Variants in NARS2 observed in about 807,000 individuals in gnomAD.
NARS2 encodes the protein asparaginyl-tRNA synthetase 2, mitochondrial, also known as asparaginyl-tRNA synthetase.
Under a neutral mutation model 62.9 loss-of-function variants are expected in NARS2, and 60 were observed. That is an observed-to-expected ratio of 0.95 (90% CI 0.77 to 1.18). The LOEUF (loss-of-function observed/expected upper bound fraction) is 1.18. Ranked by LOEUF, NARS2 falls within the 50% of genes most tolerant of loss-of-function variation. NARS2 has a pLI of 0.00. For synonymous variants in NARS2, 196 were observed against 200.0 expected (o/e 0.98, Z 0.17); for missense variants, 619 against 576.4 (o/e 1.07, Z -0.76).
At chr11:78,494,601 A>G (rs1859979262) in intron 6 of NARS2, among the ~76,000 whole-genome samples, 1 of 151,534 alleles carries the variant, frequency 6.6e-6, no homozygotes, top group African/African-American at 2.4e-5. Context: ...TTAGGAAGTT[A>G]TATTTTGGTT....
chr11:78,479,112 T>G (rs779274943), intron 7 of NARS2, among the ~76,000 whole-genome samples: 12 of 152,140 alleles, frequency 7.9e-5, no homozygotes, highest in Non-Finnish European at 1.2e-4. Flanking sequence ...CAAACATCAG[T>G]TGTTGTGAAC....
intron 6 of NARS2, among the ~76,000 whole-genome samples, chr11:78,525,869 G>A (rs1299178405): frequency 6.6e-6 from 1 of 152,088 alleles, no homozygotes; most frequent in Non-Finnish European, 1.5e-5. Flanking sequence ...ACAAGCCTTC[G>A]CCTCTGTGGT....
At chr11:78,560,570 T>C (rs1017997180) in intron 4 of NARS2, among the ~76,000 whole-genome samples, 21 of 152,234 alleles carry the variant, frequency 1.4e-4, no homozygotes, top group African/African-American at 4.8e-4. Flanking sequence ...AATTCTTAAA[T>C]ACATATCTCT....
At chr11:78,514,102 C>G (rs886101964) in intron 6 of NARS2, among the ~76,000 whole-genome samples, 10 of 152,134 alleles carry the variant, frequency 6.6e-5, no homozygotes, top group Non-Finnish European at 1.0e-4. Context: ...AACCTATTTT[C>G]CTACCAATTA....
At chr11:78,438,612 G>GA (rs1312306305) in intron 13 of NARS2, among the ~76,000 whole-genome samples, 1 of 152,148 alleles carries the variant, frequency 6.6e-6, no homozygotes, top group Non-Finnish European at 1.5e-5. Context: ...TTTGATAGAT[G>GA]AAAAAATCCA....
intron 6 of NARS2, among the ~76,000 whole-genome samples, chr11:78,495,939 A>T (rs567106707): frequency 6.6e-6 from 1 of 152,172 alleles, no homozygotes; most frequent in Non-Finnish European, 1.5e-5. Context: ...AGCAATAGGG[A>T]TTTTTAAATT....
At chr11:78,442,074 G>T (rs1409900108) in intron 12 of NARS2, among the ~76,000 whole-genome samples, 1 of 152,140 alleles carries the variant, frequency 6.6e-6, no homozygotes, top group Non-Finnish European at 1.5e-5. Flanking sequence ...ACTTCATTAC[G>T]AAAGACAGAT....
chr11:78,468,553 C>T (rs1232935899), intron 10 of NARS2, among the ~76,000 whole-genome samples: 6 of 150,794 alleles, frequency 4.0e-5, no homozygotes, highest in South Asian at 4.2e-4. Context: ...TACAGGCGCC[C>T]GCCACCTCAC....
intron 6 of NARS2, among the ~76,000 whole-genome samples, chr11:78,513,187 T>C (rs761534470): frequency 6.6e-6 from 1 of 152,006 alleles, no homozygotes; most frequent in East Asian, 1.9e-4. Context: ...GAGGCAGAAG[T>C]TGCAGTGAGC....
chr11:78,490,980 CTG>C (rs1157506413), intron 7 of NARS2, among the ~76,000 whole-genome samples: 2 of 152,036 alleles, frequency 1.3e-5, no homozygotes, highest in African/African-American at 2.4e-5. Flanking sequence ...ACTAATATAA[CTG>C]AGAAAAATAA....
At position 78,553,826 on chromosome 11, in the gene NARS2, G is replaced by C. The variant is rs1856223985; in HGVS notation, c.594+5713C>G. ...GATGTCTGTCATGAAATCTCTGCCA[G>C]GATGGTATTGCCTAGGTTGTCTTCC... On this transcript the variant is annotated intron_variant, in intron 5 of 13. Coordinates refer to ENST00000281038, the MANE Select transcript of NARS2 (RefSeq NM_024678.6). 2.6e-5 allele frequency among the ~76,000 whole-genome samples: 4 copies of C among 152,104 alleles called. No homozygotes were observed. The South Asian group carries it at 8.3e-4, about 32-fold the overall frequency.
intron 11 of NARS2, among the ~76,000 whole-genome samples, chr11:78,458,282 T>G (rs893191126): frequency 6.6e-6 from 1 of 152,200 alleles, no homozygotes; most frequent in African/African-American, 2.4e-5. Flanking sequence ...GGGAAAAATT[T>G]TATTAAAATT....
At chr11:78,546,849 G>A (rs371661900) in intron 5 of NARS2, among the ~76,000 whole-genome samples, 16 of 152,274 alleles carry the variant, frequency 1.1e-4, no homozygotes, top group Admixed American at 2.0e-4. Context: ...GGACATCTCT[G>A]ATCACTCCTG....
intron 5 of NARS2, among the ~76,000 whole-genome samples, chr11:78,552,156 C>A (rs1195663824): frequency 6.6e-6 from 1 of 152,222 alleles, no homozygotes; most frequent in Non-Finnish European, 1.5e-5. Flanking sequence ...ATCCTCCCCC[C>A]TCAGGAAGAC....
At chr11:78,475,444 TG>T (rs1859047966) in intron 9 of NARS2, among the ~76,000 whole-genome samples, 1 of 152,166 alleles carries the variant, frequency 6.6e-6, no homozygotes, top group African/African-American at 2.4e-5. Context: ...CTGAATCATA[TG>T]GTAAATATAC....
intron 6 of NARS2, among the ~76,000 whole-genome samples, chr11:78,521,167 T>TC (rs1861107151): frequency 7.2e-6 from 1 of 138,872 alleles, no homozygotes; most frequent in Admixed American, 7.2e-5. Context: ...TCTCTCTTTC[T>TC]TTTTTTTTTT....
chr11:78,439,356 T>A (rs910453470), intron 13 of NARS2, among the ~76,000 whole-genome samples: 1 of 152,086 alleles, frequency 6.6e-6, no homozygotes, highest in African/African-American at 2.4e-5. Flanking sequence ...GGCTTTTTTT[T>A]AAGGCTAGTG....
At chr11:78,537,512 A>T (rs1413939342) in intron 5 of NARS2, among the ~76,000 whole-genome samples, 1 of 152,162 alleles carries the variant, frequency 6.6e-6, no homozygotes, top group Non-Finnish European at 1.5e-5. Flanking sequence ...CAGTAATTTG[A>T]GGGGCCAGGT....
intron 6 of NARS2, among the ~76,000 whole-genome samples, chr11:78,521,777 G>A (rs1476708661): frequency 1.8e-5 from 2 of 108,614 alleles, no homozygotes; most frequent in African/African-American, 4.0e-5. Flanking sequence ...GCGACAGAGC[G>A]AGACTCCGTC....
Sources: gnomAD v4.1 joint callset for allele counts (sites outside exome capture counted in the v4.1 genomes callset) on GRCh38, gnomAD v4.1.1 for gene constraint, MANE v1.5 for transcripts, NCBI Gene and HGNC (gene_info 2026-07-23, HGNC 2026-07-21) for gene names.